The following GCNT2 variants were observed in gnomAD, a reference collection of about 807,000 sequenced individuals.
GCNT2 encodes N-acetyllactosaminide beta-1,6-N-acetylglucosaminyl-transferase.
In GCNT2, 34 loss-of-function variants were observed where a neutral mutation model predicts 34.2. The observed-to-expected ratio is 1.00, with a 90% CI of 0.76 to 1.32. The LOEUF (loss-of-function observed/expected upper bound fraction) is 1.32, where lower values mean the gene tolerates loss of function less well. Among genes scored for constraint, GCNT2 ranks in the 40% most tolerant of loss-of-function variants. GCNT2 has a pLI of 0.00. For missense variants in GCNT2, 584 were observed against 489.4 expected (o/e 1.19, Z -1.82); for synonymous variants, 212 against 188.0 (o/e 1.13, Z -1.04).
intron 3 of GCNT2, among the ~76,000 whole-genome samples, chr6:10,572,515 G>A (rs1008357687): frequency 4.6e-5 from 7 of 152,132 alleles, no homozygotes; most frequent in East Asian, 1.9e-4. Flanking sequence ...GGCGGATCAT[G>A]AAGTCAGGAG....
chr6:10,611,726 C>T (rs1765565450), intron 3 of GCNT2, among the ~76,000 whole-genome samples: 1 of 147,264 alleles, frequency 6.8e-6, no homozygotes, highest in Non-Finnish European at 1.5e-5. Flanking sequence ...TGGTAATTTT[C>T]CATTTTTTTT....
At chr6:10,595,499 G>A (rs942716316) in intron 3 of GCNT2, among the ~76,000 whole-genome samples, 22 of 151,944 alleles carry the variant, frequency 1.4e-4, no homozygotes, top group African/African-American at 4.6e-4. Context: ...GGATGGTCTC[G>A]ATCTCCTGAC....
intron 3 of GCNT2, among the ~76,000 whole-genome samples, chr6:10,546,308 CCT>C (rs1013630288): frequency 1.3e-5 from 2 of 152,098 alleles, no homozygotes; most frequent in Non-Finnish European, 2.9e-5. Flanking sequence ...CCACTGAACC[CCT>C]GTGTAGCCAA....
chr6:10,541,775 A>G (rs1241307442), intron 3 of GCNT2, among the ~76,000 whole-genome samples: 1 of 152,148 alleles, frequency 6.6e-6, no homozygotes, highest in Non-Finnish European at 1.5e-5. Flanking sequence ...TTTTCCCCCT[A>G]GGCTTTTCTT....
intron 3 of GCNT2, among the ~76,000 whole-genome samples, chr6:10,601,866 G>A (rs1417253115): frequency 4.0e-5 from 6 of 149,876 alleles, no homozygotes; most frequent in South Asian, 2.1e-4. Flanking sequence ...GCGTGAACCC[G>A]AGAGGCGGAG....
Position 10,535,913 on chromosome 6 carries a change from TG to T in GCNT2, c.925+6079del, listed in dbSNP as rs565694610. Among the ~76,000 whole-genome samples, 133 of 152,270 alleles carry T rather than the reference TG, an allele frequency of 8.7e-4. 1 individual carries two copies. Among genetic ancestry groups the T allele is most frequent in the African/African-American group, 2.8e-3 (116 of 41,544 alleles). ...GAGCCAGCCTGCGGACTAGCCCTATTGGATATTCCATGGCAGGCATCTTCCC... is the reference window on the plus strand; with the variant it reads ...GAGCCAGCCTGCGGACTAGCCCTATTGATATTCCATGGCAGGCATCTTCCC... On this transcript the variant is annotated intron_variant, in intron 3 of 4. Transcript: ENST00000495262.
intron 3 of GCNT2, among the ~76,000 whole-genome samples, chr6:10,576,203 AAC>A (rs1429730063): frequency 9.9e-5 from 15 of 152,182 alleles, no homozygotes; most frequent in African/African-American, 3.6e-4. Flanking sequence ...TATCAAAAGA[AAC>A]AACTTCGTGA....
At chr6:10,600,830 G>A (rs113286685) in intron 3 of GCNT2, among the ~76,000 whole-genome samples, 6 of 152,082 alleles carry the variant, frequency 3.9e-5, no homozygotes, top group East Asian at 1.9e-4. Flanking sequence ...GCAGTGATGC[G>A]ATCTTGGCTT....
At chr6:10,525,472 C>T (rs560266123) in intron 1 of GCNT2, among the ~76,000 whole-genome samples, 1 of 152,244 alleles carries the variant, frequency 6.6e-6, no homozygotes, top group African/African-American at 2.4e-5. Context: ...TTATATCACA[C>T]AAACGCAAGA....
intron 3 of GCNT2, among the ~76,000 whole-genome samples, chr6:10,589,100 GTA>G (rs1261721040): frequency 8.8e-6 from 1 of 113,986 alleles, no homozygotes; most frequent in Admixed American, 1.0e-4. Context: ...TGGTGTGTGT[GTA>G]GTGTGTGTGT....
intron 3 of GCNT2, among the ~76,000 whole-genome samples, chr6:10,548,613 C>G (rs937243450): frequency 2.0e-5 from 3 of 152,214 alleles, no homozygotes; most frequent in African/African-American, 7.2e-5. Context: ...TTTTGTACTT[C>G]ATATAAGTGG....
chr6:10,552,123 A>G (rs1230254268), intron 3 of GCNT2, among the ~76,000 whole-genome samples: 1 of 152,138 alleles, frequency 6.6e-6, no homozygotes, highest in African/African-American at 2.4e-5. Flanking sequence ...TTTTGTTGCT[A>G]ATTAGATGAA....
rs139191871 is a variant in GCNT2, at chr6:10,549,380, G to C, written c.925+19544G>C. Among the ~76,000 whole-genome samples the C allele has an allele frequency of 1.2e-4, 18 of 152,196 alleles. 1 individual carries two copies. The highest frequency in any genetic ancestry group is 6.8e-3 in the Middle Eastern group (2 of 292). ...TTCTGTTGAGTAAATACTGGAGAATGGAATTTTGGGTCATAGGATATAGGT... is the reference window on the plus strand; with the variant it reads ...TTCTGTTGAGTAAATACTGGAGAATCGAATTTTGGGTCATAGGATATAGGT... On this transcript the variant is annotated intron_variant, in intron 3 of 4. Coordinates refer to ENST00000495262, the MANE Select transcript of GCNT2 (RefSeq NM_145649.5).
intron 3 of GCNT2, chr6:10,557,148 T>G (rs1762754085): frequency 1.3e-6 from 2 of 1,549,464 alleles, no homozygotes; most frequent in Non-Finnish European, 1.7e-6. Flanking sequence ...CTTTCCTATG[T>G]GATAAGAACA....
At chr6:10,551,047 T>G (rs1762458009) in intron 3 of GCNT2, among the ~76,000 whole-genome samples, 1 of 152,356 alleles carries the variant, frequency 6.6e-6, no homozygotes, top group East Asian at 1.9e-4. Context: ...GTGGTAAGTC[T>G]CATCTTGAGA....
At chr6:10,608,566 G>A (rs1765422296) in intron 3 of GCNT2, among the ~76,000 whole-genome samples, 1 of 152,142 alleles carries the variant, frequency 6.6e-6, no homozygotes, top group Non-Finnish European at 1.5e-5. Flanking sequence ...AGGTGCAGTG[G>A]TACATGTCTG....
At chr6:10,621,247 A>G in intron 3 of GCNT2, 104 bp from the exon 4 acceptor site, 1 of 765,314 alleles carries the variant, frequency 1.3e-6, no homozygotes, top group Non-Finnish European at 2.3e-6. Context: ...GCGAAAGGTA[A>G]TAAACTGAAA....
chr6:10,588,786 TGTGTGTG>T (rs1764464803), intron 3 of GCNT2, among the ~76,000 whole-genome samples: 1 of 30,922 alleles, frequency 3.2e-5, no homozygotes, highest in Non-Finnish European at 7.5e-5. Flanking sequence ...GTGTGTGTGA[TGTGTGTG>T]TGTGTGTGTG....
intron 3 of GCNT2, chr6:10,575,056 T>C (rs1763741980): frequency 1.2e-5 from 7 of 596,844 alleles, no homozygotes; most frequent in South Asian, 7.8e-5. Flanking sequence ...CATTTAGCCA[T>C]GGTAACACTT....
Sources: allele counts gnomAD v4.1 joint callset (sites outside exome capture counted in the v4.1 genomes callset), GRCh38; gene constraint gnomAD v4.1.1; transcripts MANE v1.5; gene names NCBI Gene and HGNC (gene_info 2026-07-23, HGNC 2026-07-21).